PTPN14: variants seen among roughly 807,000 people sequenced by gnomAD.
PTPN14 encodes the protein tyrosine-protein phosphatase non-receptor type 14.
In PTPN14, 53 loss-of-function variants were observed where a neutral mutation model predicts 126.8. The ratio of observed to expected loss-of-function variants is 0.42; its 90% CI spans 0.34 to 0.53. The LOEUF (loss-of-function observed/expected upper bound fraction) is 0.53, where lower values mean the gene tolerates loss of function less well. PTPN14 is among the 20% of genes least tolerant of loss of function. PTPN14 has a pLI of 0.08. For missense variants in PTPN14, 1,257 were observed against 1,552.9 expected, an observed-to-expected ratio of 0.81 and a Z score of 3.20; for synonymous variants, 630 against 599.3, an observed-to-expected ratio of 1.05 and a Z score of -0.75.
intron 1 of PTPN14, among the ~76,000 whole-genome samples, chr1:214,466,828 C>A (rs1393677301): frequency 6.6e-6 from 1 of 152,134 alleles, no homozygotes; most frequent in African/African-American, 2.4e-5. Flanking sequence ...ATAGCTACTA[C>A]TTGTAGGAAT....
At chr1:214,474,924 C>T (rs988069409) in intron 1 of PTPN14, among the ~76,000 whole-genome samples, 5 of 152,112 alleles carry the variant, frequency 3.3e-5, no homozygotes, top group Admixed American at 6.5e-5. Context: ...TTGACCTTAG[C>T]GAAACTTTCC....
intron 1 of PTPN14, among the ~76,000 whole-genome samples, chr1:214,515,512 G>C (rs942983089): frequency 3.3e-5 from 5 of 151,952 alleles, no homozygotes; most frequent in Admixed American, 6.6e-5. Context: ...AAGCCAGTAG[G>C]GTTTTAGTAA....
intron 1 of PTPN14, among the ~76,000 whole-genome samples, chr1:214,533,647 C>T (rs1230282929): frequency 1.3e-5 from 2 of 151,616 alleles, no homozygotes; most frequent in Admixed American, 6.6e-5. Flanking sequence ...CTGGCTAACA[C>T]GGTGAAACCC....
chr1:214,548,946 T>C (rs1413263896), intron 1 of PTPN14, among the ~76,000 whole-genome samples: 2 of 152,214 alleles, frequency 1.3e-5, no homozygotes, highest in Non-Finnish European at 2.9e-5. Flanking sequence ...AAGCCAATGA[T>C]GGAAACTGGG....
chr1:214,429,089 T>G (rs972075162), intron 3 of PTPN14, among the ~76,000 whole-genome samples: 1 of 152,200 alleles, frequency 6.6e-6, no homozygotes, highest in Admixed American at 6.5e-5. Context: ...CACTTTTTCA[T>G]GTTAGCCCGT....
intron 13 of PTPN14, among the ~76,000 whole-genome samples, chr1:214,378,691 G>A (rs1405873783): frequency 2.6e-5 from 4 of 152,142 alleles, no homozygotes. Flanking sequence ...CCAGAATTGA[G>A]AGCTGATGTG....
At chr1:214,454,694 T>C (rs1211201831) in intron 2 of PTPN14, among the ~76,000 whole-genome samples, 1 of 152,132 alleles carries the variant, frequency 6.6e-6, no homozygotes, top group Non-Finnish European at 1.5e-5. Flanking sequence ...GTAAACCACT[T>C]CTAATAGAAA....
rs936171166 is a variant in PTPN14, at chr1:214,358,137, C to G, written c.3436-87G>C. 4.0e-6 allele frequency: 6 copies of G among 1,494,236 alleles called. No homozygotes were observed. In the Admixed American group the frequency reaches 5.6e-5, roughly 14 times the overall value. 92.6% of individuals were successfully genotyped at this position (1,494,236 alleles called of 1,614,324 possible). ...CATTCCCTCATTCAGGAAGCACTCACCCACTGCCCATGTCCAGGTACAAGA... is the reference window on the plus strand; with the variant it reads ...CATTCCCTCATTCAGGAAGCACTCAGCCACTGCCCATGTCCAGGTACAAGA... On this transcript the variant is annotated intron_variant, in intron 18 of 18. Coordinates refer to ENST00000366956, the MANE Select transcript of PTPN14 (RefSeq NM_005401.5).
chr1:214,531,003 C>T (rs1655532592), intron 1 of PTPN14: 1 of 152,162 alleles, frequency 6.6e-6, no homozygotes, highest in Non-Finnish European at 1.5e-5. Flanking sequence ...ATCAAAACTT[C>T]ATAAACAAAC....
intron 1 of PTPN14, among the ~76,000 whole-genome samples, chr1:214,470,752 C>T (rs1233645468): frequency 6.9e-6 from 1 of 145,216 alleles, no homozygotes; most frequent in African/African-American, 2.6e-5. Flanking sequence ...CCACTGCACT[C>T]CAGCCTGGGC....
chr1:214,546,673 C>T (rs926640771), intron 1 of PTPN14, among the ~76,000 whole-genome samples: 1 of 152,130 alleles, frequency 6.6e-6, no homozygotes, highest in African/African-American at 2.4e-5. Context: ...CAGACTCCTC[C>T]CTATTGACCA....
At chr1:214,374,887 A>G (rs7525265) in intron 15 of PTPN14, among the ~76,000 whole-genome samples, 197 of 152,340 alleles carry the variant, frequency 1.3e-3, no homozygotes, top group African/African-American at 4.6e-3. Context: ...TAATATTTCT[A>G]TGTAAGATTT....
intron 3 of PTPN14, among the ~76,000 whole-genome samples, chr1:214,423,938 G>A (rs571995491): frequency 5.9e-5 from 9 of 151,916 alleles, no homozygotes; most frequent in Non-Finnish European, 1.2e-4. Context: ...CAGAGTTCGC[G>A]CCACTGCACT....
At chr1:214,397,803 C>T (rs1479144872) in intron 8 of PTPN14, 110 bp downstream of exon 8, 1 of 873,684 alleles carries the variant, frequency 1.1e-6, no homozygotes, top group Admixed American at 2.4e-5. Flanking sequence ...TGAGAGAAGT[C>T]AAATCTTATC....
At chr1:214,362,072 A>T (rs1657969042) in intron 18 of PTPN14, among the ~76,000 whole-genome samples, 2 of 51,502 alleles carry the variant, frequency 3.9e-5, no homozygotes, top group African/African-American at 3.5e-4. Context: ...GGACAGGAGA[A>T]AAATGGTCCC....
In PTPN14 at chr1:214,479,772, C is replaced by T. The variant is rs1660946934; in HGVS notation, c.-154-14815G>A. 2.0e-5 allele frequency among the ~76,000 whole-genome samples: 3 copies of T among 152,058 alleles called. No homozygotes were observed. The South Asian group carries it at 6.2e-4, about 32-fold the overall frequency. On this transcript the variant is annotated intron_variant, in intron 1 of 18. Coordinates refer to ENST00000366956, the MANE Select transcript of PTPN14 (RefSeq NM_005401.5). ...TATTTTACCTAAATATTTTAATAAC[C>T]TTTAATATTTTCTGATTATAATTCA... is the stretch of plus-strand genomic sequence containing the variant.
At chr1:214,485,187 A>T (rs1661084304) in intron 1 of PTPN14, among the ~76,000 whole-genome samples, 1 of 152,148 alleles carries the variant, frequency 6.6e-6, no homozygotes, top group African/African-American at 2.4e-5. Flanking sequence ...TTTATCACCC[A>T]CCACCACCAC....
intron 1 of PTPN14, among the ~76,000 whole-genome samples, chr1:214,482,102 C>G (rs1661003952): frequency 6.6e-6 from 1 of 151,806 alleles, no homozygotes; most frequent in Non-Finnish European, 1.5e-5. Flanking sequence ...AGTAATGGTG[C>G]TTAGTCATTT....
rs2102489265 is a variant in PTPN14, at chr1:214,349,378, T to G, written c.*8544A>C. ...GCTTCTATGGGCTGACGCAAGAACC[T>G]TAAGAACAAACCGGTTTCTAAGTTG... On this transcript the variant is annotated 3_prime_UTR_variant, in exon 19 of 19. Coordinates refer to ENST00000366956, the MANE Select transcript of PTPN14 (RefSeq NM_005401.5). 1 of 152,324 alleles carries G rather than the reference T, an allele frequency of 6.6e-6. No individual in the cohort carries two copies. The highest frequency in any genetic ancestry group is 3.4e-3 in the Middle Eastern group (1 of 294). 9.4% of individuals were successfully genotyped at this position (152,324 alleles called of 1,614,324 possible). A position where few individuals can be genotyped will look rare whatever the true frequency, so the allele number is the denominator to read the frequency against.
Sources: allele counts gnomAD v4.1 joint callset (sites outside exome capture counted in the v4.1 genomes callset), GRCh38; gene constraint gnomAD v4.1.1; transcripts MANE v1.5; gene names NCBI Gene and HGNC (gene_info 2026-07-23, HGNC 2026-07-21).